NGF: variants seen among roughly 807,000 people sequenced by gnomAD.
NGF encodes beta-nerve growth factor.
A neutral mutation model predicts 12.8 loss-of-function variants in NGF; 4 were observed. The ratio of observed to expected loss-of-function variants is 0.31; its 90% CI spans 0.15 to 0.72. NGF has a LOEUF of 0.72. NGF is among the 30% of genes least tolerant of loss of function. The probability of loss-of-function intolerance (pLI) is 0.69; values close to 1 mark genes in which losing one functional copy is unlikely to be tolerated. For synonymous variants in NGF, 140 were observed against 130.0 expected, an observed-to-expected ratio of 1.08 and a Z score of -0.52; for missense variants, 283 against 330.8, an observed-to-expected ratio of 0.86 and a Z score of 1.12.
intron 2 of NGF, among the ~76,000 whole-genome samples, chr1:115,288,010 T>C (rs2747063): frequency 0.43 from 66,089 of 151,982 alleles, 14,814 homozygotes; most frequent in African/African-American, 0.46. Context: ...GAAATATCTC[T>C]TGTAAGAGTG....
At chr1:115,310,805 G>A (rs1039651919) in intron 1 of NGF, among the ~76,000 whole-genome samples, 1 of 146,340 alleles carries the variant, frequency 6.8e-6, no homozygotes, top group Non-Finnish European at 1.5e-5. Flanking sequence ...AAATAGGAAA[G>A]AATCCAGCAA....
At chr1:115,318,096 C>T (rs549519482) in intron 1 of NGF, among the ~76,000 whole-genome samples, 60 of 152,254 alleles carry the variant, frequency 3.9e-4, no homozygotes, top group African/African-American at 1.3e-3. Context: ...CTTGGGGCCT[C>T]CCTTCCATGG....
intron 1 of NGF, among the ~76,000 whole-genome samples, chr1:115,303,497 TCAC>T (rs1321401676): frequency 2.0e-5 from 3 of 151,460 alleles, no homozygotes; most frequent in East Asian, 1.9e-4. Flanking sequence ...ACTTTCTCCA[TCAC>T]CATCACCACT....
chr1:115,295,689 G>A (rs1653845797), intron 1 of NGF, among the ~76,000 whole-genome samples: 2 of 152,110 alleles, frequency 1.3e-5, no homozygotes. Context: ...TCCTCTATAG[G>A]ATAAGAAGCT....
intron 1 of NGF, among the ~76,000 whole-genome samples, chr1:115,294,906 AG>A (rs1275567082): frequency 2.0e-5 from 3 of 152,212 alleles, no homozygotes; most frequent in Non-Finnish European, 4.4e-5. Flanking sequence ...AAGGCAGTGG[AG>A]GGCTTTGAAC....
chr1:115,332,027 C>T (rs571752167), intron 1 of NGF, among the ~76,000 whole-genome samples: 22 of 152,298 alleles, frequency 1.4e-4, no homozygotes, highest in African/African-American at 5.3e-4. Flanking sequence ...TCTGGGAGAG[C>T]AGAAATGCCC....
At chr1:115,309,964 T>C (rs1199826032) in intron 1 of NGF, among the ~76,000 whole-genome samples, 1 of 152,256 alleles carries the variant, frequency 6.6e-6, no homozygotes, top group Non-Finnish European at 1.5e-5. Flanking sequence ...ATGACTTTTT[T>C]CCTGCTACTA....
Position 115,286,714 on chromosome 1 carries a change from C to T in NGF, c.82G>A (p.Ala28Thr). The change falls in exon 3 of 3, where the codon GCA (alanine) becomes ACA (threonine). Residue 28 changes from alanine (A) to threonine (T), a missense_variant. Around this residue, in one of 2 missense-constraint regions of NGF, gnomAD observed 151 missense variants for 141.6 expected, o/e 1.07. Transcript: ENST00000369512. ...AEPHSESNVP[A>T]GHTIPQAHWT... ...TGGGCTTGGGGGATGGTGTGTCCTG[C>T]AGGGACATTGCTCTCTGAGTGTGGT... 1 of 1,614,176 alleles carries T rather than the reference C, an allele frequency of 6.2e-7. No individual in the cohort carries two copies. The highest frequency in any genetic ancestry group is 8.5e-7 in the Non-Finnish European group (1 of 1,180,014).
chr1:115,332,726 G>C (rs900007354), intron 1 of NGF, among the ~76,000 whole-genome samples: 1 of 152,270 alleles, frequency 6.6e-6, no homozygotes, highest in Middle Eastern at 3.4e-3. Context: ...AAAACTTAGG[G>C]ACAGGAGAGG....
At chr1:115,304,363 G>A (rs1421160439) in intron 1 of NGF, among the ~76,000 whole-genome samples, 5 of 39,442 alleles carry the variant, frequency 1.3e-4, no homozygotes, top group Admixed American at 6.7e-4. Flanking sequence ...TAGTAGAGAT[G>A]AGGTTTCACC....
chr1:115,309,460 G>T (rs975291051), intron 1 of NGF, among the ~76,000 whole-genome samples: 1 of 152,074 alleles, frequency 6.6e-6, no homozygotes, highest in South Asian at 2.1e-4. Context: ...AAGTTCTGGG[G>T]TACATGTGCA....
chr1:115,337,398 C>G (rs1374602273), intron 1 of NGF, among the ~76,000 whole-genome samples: 1 of 150,658 alleles, frequency 6.6e-6, no homozygotes, highest in African/African-American at 2.4e-5. Flanking sequence ...TCTCCCTCCC[C>G]TAGATCCTCC....
At chr1:115,319,931 A>T (rs1178295670) in intron 1 of NGF, among the ~76,000 whole-genome samples, 1 of 152,160 alleles carries the variant, frequency 6.6e-6, no homozygotes, top group African/African-American at 2.4e-5. Context: ...ATATCATTAG[A>T]TGGCAAGGGG....
intron 1 of NGF, among the ~76,000 whole-genome samples, chr1:115,330,972 C>A (rs1015229601): frequency 6.6e-6 from 1 of 152,090 alleles, no homozygotes; most frequent in African/African-American, 2.4e-5. Flanking sequence ...AGCCACAGGC[C>A]TCGGGGAGAA....
intron 1 of NGF, among the ~76,000 whole-genome samples, chr1:115,318,010 C>A (rs1654516472): frequency 6.6e-6 from 1 of 152,156 alleles, no homozygotes; most frequent in Admixed American, 6.5e-5. Context: ...TCACCTTTCC[C>A]TGTTCCAAAG....
chr1:115,310,127 T>A (rs72991997), intron 1 of NGF, among the ~76,000 whole-genome samples: 2,472 of 152,338 alleles, frequency 0.016, 72 homozygotes, highest in African/African-American at 0.056. Flanking sequence ...AATGCTGTGA[T>A]CTAGTGCAGT....
intron 1 of NGF, among the ~76,000 whole-genome samples, chr1:115,316,907 A>G (rs1045106670): frequency 6.6e-6 from 1 of 152,190 alleles, no homozygotes; most frequent in African/African-American, 2.4e-5. Flanking sequence ...ACAAGTCCAG[A>G]TATGCCATGC....
intron 1 of NGF, among the ~76,000 whole-genome samples, chr1:115,317,426 C>G (rs1426101820): frequency 6.6e-6 from 1 of 152,084 alleles, no homozygotes; most frequent in Non-Finnish European, 1.5e-5. Context: ...AGGTTTTGAC[C>G]CAGAGCCTTT....
chr1:115,300,950 A>T (rs996922021), intron 1 of NGF, among the ~76,000 whole-genome samples: 1 of 152,188 alleles, frequency 6.6e-6, no homozygotes, highest in Non-Finnish European at 1.5e-5. Flanking sequence ...GGGCTATTTG[A>T]CAGGGATTTT....
Sources: gnomAD v4.1 joint callset for allele counts (sites outside exome capture counted in the v4.1 genomes callset) on GRCh38, gnomAD v4.1.1 for gene constraint, gnomAD v4.1.1 regional missense constraint, MANE v1.5 for transcripts, NCBI Gene and HGNC (gene_info 2026-07-23, HGNC 2026-07-21) for gene names.